Variants in SDK1 observed in about 807,000 individuals in gnomAD.
SDK1 encodes sidekick cell adhesion molecule 1.
In SDK1, 157 loss-of-function variants were observed where a neutral mutation model predicts 245.5. The observed-to-expected ratio is 0.64, with a 90% CI of 0.56 to 0.73. The LOEUF (loss-of-function observed/expected upper bound fraction) is 0.73. Among genes scored for constraint, SDK1 ranks in the 30% least tolerant of loss-of-function variants. SDK1 has a pLI of 0.00. For synonymous variants in SDK1, 1,647 were observed against 1,278.5 expected, an observed-to-expected ratio of 1.29 and a Z score of -6.15; for missense variants, 3,583 against 3,002.3, an observed-to-expected ratio of 1.19 and a Z score of -4.52.
chr7:4,259,079 G>T (rs568543677), intron 44 of SDK1, among the ~76,000 whole-genome samples: 4 of 152,104 alleles, frequency 2.6e-5, no homozygotes, highest in African/African-American at 9.7e-5. Context: ...CTTTTCTTCC[G>T]TTTTAGTTTA....
chr7:3,366,436 A>G (rs967742541), intron 1 of SDK1, among the ~76,000 whole-genome samples: 1 of 151,730 alleles, frequency 6.6e-6, no homozygotes, highest in Non-Finnish European at 1.5e-5. Context: ...TTACAGTTAC[A>G]TTAAGTACTG....
At chr7:3,624,663 G>C (rs1230324367) in intron 2 of SDK1, among the ~76,000 whole-genome samples, 2 of 152,178 alleles carry the variant, frequency 1.3e-5, no homozygotes, top group South Asian at 2.1e-4. Context: ...AGGCATATTA[G>C]AATGCCATAA....
chr7:3,654,499 A>G (rs766401689), intron 4 of SDK1, among the ~76,000 whole-genome samples: 1 of 152,184 alleles, frequency 6.6e-6, no homozygotes, highest in Admixed American at 6.5e-5. Flanking sequence ...GTTACCTTAT[A>G]AGCAATAATA....
At chr7:3,761,357 T>C (rs1377382389) in intron 4 of SDK1, among the ~76,000 whole-genome samples, 2 of 150,782 alleles carry the variant, frequency 1.3e-5, no homozygotes, top group African/African-American at 2.4e-5. Flanking sequence ...TTTCATCTTT[T>C]CTTGCCTTAA....
chr7:3,360,337 C>G (rs998621679), intron 1 of SDK1, among the ~76,000 whole-genome samples: 10 of 152,160 alleles, frequency 6.6e-5, no homozygotes, highest in African/African-American at 1.9e-4. Flanking sequence ...TTAGGAACTA[C>G]TGGGGCAGAT....
At chr7:3,529,927 G>T (rs942073727) in intron 1 of SDK1, among the ~76,000 whole-genome samples, 4 of 152,120 alleles carry the variant, frequency 2.6e-5, no homozygotes, top group African/African-American at 9.7e-5. Flanking sequence ...ACAGACTCTG[G>T]TTAGGGGACG....
chr7:4,010,714 T>C (rs1785877515), intron 14 of SDK1, among the ~76,000 whole-genome samples: 1 of 152,206 alleles, frequency 6.6e-6, no homozygotes, highest in South Asian at 2.1e-4. Flanking sequence ...AACCGCCGTA[T>C]GCAGGTTGCA....
intron 1 of SDK1, among the ~76,000 whole-genome samples, chr7:3,385,441 T>A (rs1210123785): frequency 1.3e-5 from 2 of 152,124 alleles, no homozygotes; most frequent in African/African-American, 4.8e-5. Context: ...AAAAATATAT[T>A]TTTTTACTGT....
chr7:3,457,533 A>G (rs899437456), intron 1 of SDK1, among the ~76,000 whole-genome samples: 3 of 152,172 alleles, frequency 2.0e-5, no homozygotes, highest in Non-Finnish European at 4.4e-5. Flanking sequence ...CCCATACAGC[A>G]TACGATGAGG....
chr7:4,074,905 TATATATATATA>T (rs1235459147), intron 20 of SDK1, among the ~76,000 whole-genome samples: 5 of 88,110 alleles, frequency 5.7e-5, no homozygotes, highest in Non-Finnish European at 8.3e-5. Context: ...TATATATATA[TATATATATATA>T]TTTTTTTTTT....
chr7:3,684,808 G>A (rs1243989100), intron 4 of SDK1, among the ~76,000 whole-genome samples: 1 of 152,062 alleles, frequency 6.6e-6, no homozygotes, highest in African/African-American at 2.4e-5. Flanking sequence ...AAGAGCCAAT[G>A]GAAAGCAGAG....
At chr7:3,307,884 A>G (rs1333783241) in intron 1 of SDK1, among the ~76,000 whole-genome samples, 1 of 152,114 alleles carries the variant, frequency 6.6e-6, no homozygotes, top group African/African-American at 2.4e-5. Context: ...GATCTTCTAT[A>G]TGTTGTCTTC....
At chr7:3,938,068 C>A (rs112629070) in intron 5 of SDK1, among the ~76,000 whole-genome samples, 169 of 152,210 alleles carry the variant, frequency 1.1e-3, no homozygotes, top group African/African-American at 4.1e-3. Context: ...AACTCCTGAC[C>A]TCAGGCGATC....
At chr7:3,798,792 G>C (rs1210689775) in intron 4 of SDK1, among the ~76,000 whole-genome samples, 2 of 152,200 alleles carry the variant, frequency 1.3e-5, no homozygotes, top group African/African-American at 2.4e-5. Context: ...AGAAGGAGAA[G>C]TGTCAGTGAC....
chr7:3,848,374 C>T (rs1780333433), intron 5 of SDK1, among the ~76,000 whole-genome samples: 1 of 152,150 alleles, frequency 6.6e-6, no homozygotes, highest in Non-Finnish European at 1.5e-5. Context: ...TCCTGACAGT[C>T]CTGTCTTCCT....
intron 5 of SDK1, among the ~76,000 whole-genome samples, chr7:3,890,187 G>A (rs1781427074): frequency 6.6e-6 from 1 of 152,210 alleles, no homozygotes. Flanking sequence ...CAGATACAGT[G>A]CTCTTTTCAC....
At chr7:4,260,364 A>T (rs1344966763) in intron 44 of SDK1, among the ~76,000 whole-genome samples, 34 of 122,408 alleles carry the variant, frequency 2.8e-4, no homozygotes, top group African/African-American at 1.1e-3. Flanking sequence ...AGATGTGTTC[A>T]TCGTCACCTG....
chr7:3,923,847 T>C (rs2128114186), intron 5 of SDK1, among the ~76,000 whole-genome samples: 1 of 152,320 alleles, frequency 6.6e-6, no homozygotes, highest in East Asian at 1.9e-4. Flanking sequence ...TCCTCAGGGG[T>C]TCCTTTCACT....
chr7:4,190,973 G>A (rs1418447896), intron 35 of SDK1, among the ~76,000 whole-genome samples: 1 of 152,196 alleles, frequency 6.6e-6, no homozygotes, highest in African/African-American at 2.4e-5. Flanking sequence ...GGGCTCTCAG[G>A]GAAGCCTCTG....
Sources: allele counts gnomAD v4.1 joint callset (sites outside exome capture counted in the v4.1 genomes callset), GRCh38; gene constraint gnomAD v4.1.1; transcripts MANE v1.5; gene names NCBI Gene and HGNC (gene_info 2026-07-23, HGNC 2026-07-21).